The following TTC19 variants were observed in gnomAD, a reference collection of about 807,000 sequenced individuals.
The protein encoded by TTC19 is tetratricopeptide repeat protein 19, mitochondrial.
Under a neutral mutation model 49.5 loss-of-function variants are expected in TTC19, and 38 were observed. That is an observed-to-expected ratio of 0.77 (90% confidence interval 0.59 to 1.01). The LOEUF is 1.01. TTC19 is among the 50% of genes least tolerant of loss of function. TTC19 has a pLI of 0.00. For synonymous variants in TTC19, 204 were observed against 185.2 expected (o/e 1.10, Z -0.83); for missense variants, 475 against 477.7 (o/e 0.99, Z 0.05).
chr17:16,026,713 A>T lies in TTC19; in HGVS notation c.994+11A>T, dbSNP rs375221520. ...TTTTGATGCACAGAGGTAGGTAGCA[A>T]TGTAAACTTAACTGACTTGCTTTAA... On this transcript the variant is annotated intron_variant, in intron 9 of 9. Transcript: ENST00000261647. The T allele has an allele frequency of 6.2e-7, 1 of 1,613,954 alleles. No homozygotes were observed. The highest frequency in any genetic ancestry group is 2.2e-5 in the East Asian group (1 of 44,878).
At position 16,029,347 on chromosome 17, in the gene TTC19, T is replaced by A; in HGVS notation, c.*1825T>A. 5.0e-6 allele frequency: 2 copies of A among 399,116 alleles called. No individual in the cohort carries two copies. Among genetic ancestry groups the A allele is most frequent in the South Asian group, 1.9e-5 (1 of 53,474 alleles). 24.7% of individuals were successfully genotyped at this position (399,116 alleles called of 1,614,324 possible). A position where few individuals can be genotyped will look rare whatever the true frequency, so the allele number is the denominator to read the frequency against. On this transcript the variant is annotated 3_prime_UTR_variant, in exon 10 of 10. Coordinates refer to ENST00000261647, the MANE Select transcript of TTC19 (RefSeq NM_017775.4). ...AGGAGGACTGATCTCCTTTACTGATTGGTCTAAATTCAAAAGTGAATTGGT... is the reference window on the plus strand; with the variant it reads ...AGGAGGACTGATCTCCTTTACTGATAGGTCTAAATTCAAAAGTGAATTGGT...
intron 4 of TTC19, 48 bp downstream of exon 4, chr17:16,002,879 C>G (rs773029773): frequency 6.4e-7 from 1 of 1,555,278 alleles, no homozygotes; most frequent in Non-Finnish European, 8.9e-7. Flanking sequence ...GGAGTAGCTT[C>G]AAGGGAACTG....
rs1457139583 is a variant in TTC19, at chr17:16,027,674, C to T, written c.*152C>T. 8.1e-6 allele frequency: 7 copies of T among 860,348 alleles called. No homozygotes were observed. Among genetic ancestry groups the T allele is most frequent in the Non-Finnish European group, 1.3e-5 (7 of 529,994 alleles). The allele number at this position is 860,348 out of a possible 1,614,324, so 53.3% of individuals were successfully genotyped here. ...CTTAGTGAAGGAGGGGTTGTACACA[C>T]TGCCATTTTTGTATTTTAAAGGAAA... On this transcript the variant is annotated 3_prime_UTR_variant, in exon 10 of 10. Coordinates refer to ENST00000261647, the MANE Select transcript of TTC19 (RefSeq NM_017775.4).
At chr17:16,001,242 C>G (rs984370459) in intron 2 of TTC19, among the ~76,000 whole-genome samples, 4 of 152,210 alleles carry the variant, frequency 2.6e-5, no homozygotes, top group African/African-American at 9.6e-5. Context: ...AACTCCTTGC[C>G]TTGGCTTGCA....
Position 16,006,564 on chromosome 17 carries a change from G to T in TTC19, c.672G>T (p.Met224Ile), listed in dbSNP as rs772972830. Residue 224 changes from methionine (M) to isoleucine (I), a missense_variant, in exon 7 of 10, where the codon ATG becomes ATT. Physicochemically the swap from Met to Ile is conservative, Grantham distance 10. Transcript: ENST00000261647. Reference protein sequence around the residue: ...EREKELAEDIMSVEEKANTHL... With the variant: ...EREKELAEDIISVEEKANTHL... ...AAAAGGAATTAGCAGAAGACATTAT[G>T]TCAGGTAGGAAACCCATTATCTGGG... 6.2e-7 allele frequency: 1 copy of T among 1,601,146 alleles called. No homozygotes were observed. The highest frequency in any genetic ancestry group is 1.3e-5 in the African/African-American group (1 of 74,686).
At chr17:16,043,001 G>C (rs186833771) in intron 2 of TTC19, among the ~76,000 whole-genome samples, 21 of 152,274 alleles carry the variant, frequency 1.4e-4, no homozygotes, top group African/African-American at 4.6e-4. Context: ...TAAGAAGTGA[G>C]CCCTGGGGAA....
At chr17:16,020,800 A>G (rs1252239232) in intron 7 of TTC19, among the ~76,000 whole-genome samples, 1 of 151,996 alleles carries the variant, frequency 6.6e-6, no homozygotes, top group Non-Finnish European at 1.5e-5. Context: ...AGCCTCCAGA[A>G]GAATTAGGAG....
chr17:16,015,589 T>C (rs943379831), intron 7 of TTC19, among the ~76,000 whole-genome samples: 3 of 152,128 alleles, frequency 2.0e-5, no homozygotes, highest in African/African-American at 7.2e-5. Context: ...ATAAAACATT[T>C]CTAGAAAGTT....
intron 6 of TTC19, among the ~76,000 whole-genome samples, chr17:16,004,535 T>TA (rs1467458246): frequency 6.6e-6 from 1 of 152,182 alleles, no homozygotes; most frequent in African/African-American, 2.4e-5. Context: ...GAAGGGAAGT[T>TA]AGAGTTAGAA....
At position 16,015,349 on chromosome 17, in the gene TTC19, A is replaced by G. The variant is rs190147776; in HGVS notation, c.676+8781A>G. Among the ~76,000 whole-genome samples, 42 of 152,004 alleles carry G rather than the reference A, an allele frequency of 2.8e-4. No homozygotes were observed. In the East Asian group the frequency reaches 7.9e-3, roughly 29 times the overall value. ...AAAACATAAACATTAATAAATATCT[A>G]TTGAATAAATGAACGTATGGGTGAA... On this transcript the variant is annotated intron_variant, in intron 7 of 9. Coordinates refer to ENST00000261647, the MANE Select transcript of TTC19 (RefSeq NM_017775.4).
chr17:16,028,044 A>T lies in TTC19; in HGVS notation c.*522A>T. 2.2e-6 allele frequency: 1 copy of T among 454,122 alleles called. No individual in the cohort carries two copies. The highest frequency in any genetic ancestry group is 4.4e-6 in the Non-Finnish European group (1 of 226,790). The allele number at this position is 454,122 out of a possible 1,614,324, so 28.1% of individuals were successfully genotyped here. On this transcript the variant is annotated 3_prime_UTR_variant, in exon 10 of 10. Transcript: ENST00000261647. The stretch of plus-strand genomic sequence containing the variant: ...TGGAATTTAATACATAAAAGAGAAA[A>T]ATATCTTAGTTTGCTACCAGCATCC...
At chr17:16,006,631 A>C in intron 7 of TTC19, 63 bp downstream of exon 7, 2 of 1,113,872 alleles carry the variant, frequency 1.8e-6, no homozygotes, top group Admixed American at 1.8e-5. Context: ...TACACTTTTG[A>C]GAAATGGAAA....
At chr17:16,044,385 AAAC>A in intron 2 of TTC19, 1 of 471,216 alleles carries the variant, frequency 2.1e-6, no homozygotes, top group Non-Finnish European at 4.4e-6. Context: ...ACACAGATCT[AAAC>A]AAACATCCAC....
chr17:16,000,089 C>T (rs753838901), intron 1 of TTC19, 29 bp from the exon 2 acceptor site: 387 of 1,454,288 alleles, frequency 2.7e-4, no homozygotes, highest in Non-Finnish European at 3.4e-4. Flanking sequence ...GCGGGCCGGG[C>T]CCGATGACCT....
At chr17:16,004,336 T>C in intron 6 of TTC19, 74 bp downstream of exon 6, 1 of 1,390,874 alleles carries the variant, frequency 7.2e-7, no homozygotes, top group Non-Finnish European at 1.0e-6. Flanking sequence ...ATATTCATTG[T>C]CTACTGGTCA....
At chr17:16,027,340 C>T in intron 9 of TTC19, 34 bp from the exon 10 acceptor site, 1 of 1,612,528 alleles carries the variant, frequency 6.2e-7, no homozygotes, top group Middle Eastern at 1.7e-4. Context: ...CATACACTTT[C>T]TTCTTACTGT....
rs1219007442 is a variant in TTC19 at position 16,025,240 on chromosome 17, A to C, written c.831+69A>C. On this transcript the variant is annotated intron_variant, in intron 8 of 9. Coordinates refer to ENST00000261647, the MANE Select transcript of TTC19 (RefSeq NM_017775.4). ...TCAAAATTGAAGGGTGTGAAATGTC[A>C]CACTCATTGGTAACAGGATCAGCAG... is the stretch of plus-strand genomic sequence containing the variant. 4.6e-6 allele frequency: 7 copies of C among 1,515,246 alleles called. No homozygotes were observed. In the African/African-American group the frequency reaches 9.6e-5, roughly 21 times the overall value. The allele number at this position is 1,515,246 out of a possible 1,614,324, so 93.9% of individuals were successfully genotyped here. A position where few individuals can be genotyped will look rare whatever the true frequency, so the allele number is the denominator to read the frequency against.
At chr17:16,002,954 A>C in intron 4 of TTC19, 123 bp downstream of exon 4, 1 of 933,970 alleles carries the variant, frequency 1.1e-6, no homozygotes, top group Non-Finnish European at 1.7e-6. Flanking sequence ...GACTCAAACA[A>C]GATAAAAGTG....
chr17:16,044,923 A>C, exon 3 of TTC19: 1 of 657,168 alleles, frequency 1.5e-6, no homozygotes, highest in South Asian at 1.5e-5. Context: ...GAATCTGAGG[A>C]GTCTGATGAT....
Sources: gnomAD v4.1 joint callset for allele counts (sites outside exome capture counted in the v4.1 genomes callset) on GRCh38, gnomAD v4.1.1 for gene constraint, MANE v1.5 for transcripts, NCBI Gene and HGNC (gene_info 2026-07-23, HGNC 2026-07-21) for gene names.